The following RBFOX3 variants were observed in gnomAD, a reference collection of about 807,000 sequenced individuals.
The protein encoded by RBFOX3 is RNA binding fox-1 homolog 3, also known as RNA binding protein fox-1 homolog 3.
RBFOX3 carries 17 observed loss-of-function variants against 48.7 expected under a neutral mutation model. The ratio of observed to expected loss-of-function variants is 0.35; its 90% CI spans 0.24 to 0.52. The LOEUF is 0.52. RBFOX3 is among the 20% of genes least tolerant of loss of function. RBFOX3 has a pLI of 0.94. For synonymous variants in RBFOX3, 212 were observed against 209.5 expected (o/e 1.01, Z -0.10); for missense variants, 382 against 497.5 (o/e 0.77, Z 2.21).
chr17:79,619,001 C>T, the RBFOX3 span, among the ~76,000 whole-genome samples: 3 of 152,152 alleles, frequency 2.0e-5, no homozygotes, highest in African/African-American at 7.2e-5. Flanking sequence ...AAGAAAGACA[C>T]GTGCATTTTT....
At chr17:79,179,699 T>C (rs2051435970) in intron 4 of RBFOX3, among the ~76,000 whole-genome samples, 1 of 152,252 alleles carries the variant, frequency 6.6e-6, no homozygotes, top group Admixed American at 6.5e-5. Context: ...CTTGGGGTTT[T>C]TTCCTCCTAT....
At chr17:79,343,856 C>T (rs770643692) in intron 2 of RBFOX3, among the ~76,000 whole-genome samples, 4 of 152,144 alleles carry the variant, frequency 2.6e-5, no homozygotes, top group African/African-American at 9.7e-5. Flanking sequence ...AGAGGAATCA[C>T]GGGGCAGGAA....
intron 1 of RBFOX3, among the ~76,000 whole-genome samples, chr17:79,549,306 C>T (rs1405358164): frequency 6.6e-6 from 1 of 152,208 alleles, no homozygotes; most frequent in Non-Finnish European, 1.5e-5. Flanking sequence ...GAAGCTCCGC[C>T]CCCTGGCTGG....
At chr17:79,651,175 C>G in the RBFOX3 span, among the ~76,000 whole-genome samples, 1 of 152,192 alleles carries the variant, frequency 6.6e-6, no homozygotes, top group African/African-American at 2.4e-5. Flanking sequence ...GTCCACGTGC[C>G]CACTTCCCCT....
intron 2 of RBFOX3, among the ~76,000 whole-genome samples, chr17:79,353,222 G>A (rs948896958): frequency 3.3e-5 from 5 of 152,194 alleles, no homozygotes; most frequent in African/African-American, 9.7e-5. Flanking sequence ...ACACTGGTGC[G>A]CAAGTGTGTG....
rs531295199 is a variant in RBFOX3 at position 79,214,691 on chromosome 17, T to A, written c.-34+21075A>T. On this transcript the variant is annotated intron_variant, in intron 4 of 14. Coordinates refer to ENST00000693108, the MANE Select transcript of RBFOX3 (RefSeq NM_001350451.2). The surrounding 1 kb of genome is among the most constrained non-coding windows in gnomAD (Gnocchi z 4.7). ...CCAGGTTCCTGGGAGGGTGGCCATC[T>A]GGGAAGCCCAGGAGGGGAGGCTGGA... Among the ~76,000 whole-genome samples the A allele has an allele frequency of 6.6e-6, 1 of 151,674 alleles. No homozygotes were observed. The highest frequency in any genetic ancestry group is 2.4e-5 in the African/African-American group (1 of 41,358).
At chr17:79,331,890 T>C (rs1420827634) in intron 2 of RBFOX3, among the ~76,000 whole-genome samples, 5 of 152,208 alleles carry the variant, frequency 3.3e-5, no homozygotes, top group African/African-American at 1.2e-4. Context: ...GACCACCCAG[T>C]GTGAAGCCCT....
Position 79,103,466 on chromosome 17 carries a change from C to T in RBFOX3, c.415-212G>A, listed in dbSNP as rs2076819904. 6.6e-6 allele frequency among the ~76,000 whole-genome samples: 1 copy of T among 152,106 alleles called. No homozygotes were observed. Among genetic ancestry groups the T allele is most frequent in the African/African-American group, 2.4e-5 (1 of 41,422 alleles). On this transcript the variant is annotated intron_variant, in intron 7 of 14. Transcript: ENST00000693108. The surrounding 1 kb of genome is among the most constrained non-coding windows in gnomAD (Gnocchi z 6.1). ...AGGATGCCAGGAGGGGTATGGGCCC[C>T]AGGGGGGCAGCTGCTGACCCAGCCT...
chr17:79,478,425 C>G (rs1327357032), intron 2 of RBFOX3, among the ~76,000 whole-genome samples: 1 of 152,126 alleles, frequency 6.6e-6, no homozygotes, highest in Non-Finnish European at 1.5e-5. Context: ...GGCAGGCTCA[C>G]ACTCAGCCCC....
Position 79,103,332 on chromosome 17 carries a change from G to A in RBFOX3, c.415-78C>T, listed in dbSNP as rs1268981959. 6 of 956,610 alleles carry A rather than the reference G, an allele frequency of 6.3e-6. No individual in the cohort carries two copies. In the African/African-American group the frequency reaches 9.8e-5, roughly 16 times the overall value. 59.3% of individuals were successfully genotyped at this position (956,610 alleles called of 1,614,324 possible). Reference sequence around the variant, plus strand: ...GAAAGAGGAGGAAGACGAGGAAGAAGAGGAGTGGGAGGGGGGCAGGGGAGT... The same window carrying A: ...GAAAGAGGAGGAAGACGAGGAAGAAAAGGAGTGGGAGGGGGGCAGGGGAGT... On this transcript the variant is annotated intron_variant, in intron 7 of 14. Transcript: ENST00000693108. This position sits in a 1 kb window ranked among gnomAD's most constrained non-coding sequence, Gnocchi z 6.1.
chr17:79,112,977 C>T (rs923959152), intron 5 of RBFOX3, among the ~76,000 whole-genome samples: 27 of 147,690 alleles, frequency 1.8e-4, no homozygotes, highest in Non-Finnish European at 2.7e-4. Flanking sequence ...GGTGGCTGCA[C>T]ACGGGCCCTC....
At position 79,371,107 on chromosome 17, in the gene RBFOX3, G is replaced by A. The variant is rs1227725200; in HGVS notation, c.-174-63283C>T. On this transcript the variant is annotated intron_variant, in intron 2 of 14. Coordinates refer to ENST00000693108, the MANE Select transcript of RBFOX3 (RefSeq NM_001350451.2). ...ACGGTGTCCCTCCTCCTGTCTGGGTGTCCCTGGGCCACCTGCTCTGCACTG... is the reference window on the plus strand; with the variant it reads ...ACGGTGTCCCTCCTCCTGTCTGGGTATCCCTGGGCCACCTGCTCTGCACTG... Among the ~76,000 whole-genome samples the A allele has an allele frequency of 3.3e-5, 5 of 152,360 alleles. No individual in the cohort carries two copies. The East Asian group carries it at 9.6e-4, about 29-fold the overall frequency.
chr17:79,658,752 G>C, the RBFOX3 span, among the ~76,000 whole-genome samples: 1 of 152,094 alleles, frequency 6.6e-6, no homozygotes, highest in Non-Finnish European at 1.5e-5. Flanking sequence ...GGAGAATTTT[G>C]CTGAGCCCCT....
intron 2 of RBFOX3, among the ~76,000 whole-genome samples, chr17:79,425,272 G>T (rs2067153635): frequency 6.6e-6 from 1 of 152,136 alleles, no homozygotes; most frequent in Admixed American, 6.5e-5. Context: ...TCATCCCTGA[G>T]GCCTCAGCTC....
chr17:79,093,366 A>G (rs1490129244), intron 14 of RBFOX3, among the ~76,000 whole-genome samples: 7 of 152,160 alleles, frequency 4.6e-5, no homozygotes, highest in African/African-American at 1.7e-4. Context: ...TTAAAAATAC[A>G]AAGTGAAAAC....
intron 1 of RBFOX3, among the ~76,000 whole-genome samples, chr17:79,552,158 A>G (rs2091216828): frequency 6.6e-6 from 1 of 152,220 alleles, no homozygotes; most frequent in South Asian, 2.1e-4. Context: ...AAGACCCTAG[A>G]AGACCAAGAT....
Position 79,213,966 on chromosome 17 carries a change from T to C in RBFOX3, c.-34+21800A>G, listed in dbSNP as rs1438240892. ...GACATCGCGTGCTGCCTGTGACCTGTGGGCCACAGCCCCTAAACACTCAGC... is the reference window on the plus strand; with the variant it reads ...GACATCGCGTGCTGCCTGTGACCTGCGGGCCACAGCCCCTAAACACTCAGC... On this transcript the variant is annotated intron_variant, in intron 4 of 14. Transcript: ENST00000693108. Among the ~76,000 whole-genome samples the C allele has an allele frequency of 2.0e-5, 3 of 152,328 alleles. No homozygotes were observed. The East Asian group carries it at 5.8e-4, about 29-fold the overall frequency.
intron 4 of RBFOX3, among the ~76,000 whole-genome samples, chr17:79,122,539 C>T (rs774660308): frequency 1.4e-4 from 22 of 152,096 alleles, no homozygotes; most frequent in Non-Finnish European, 2.2e-4. Context: ...GGCTTAAATC[C>T]GAAAGACAGG....
At chr17:79,097,182 C>G (rs1022206457) in intron 11 of RBFOX3, 110 bp downstream of exon 11, 23 of 924,494 alleles carry the variant, frequency 2.5e-5, no homozygotes, top group South Asian at 1.9e-4. Flanking sequence ...CTCCCCCCCC[C>G]CAGGTCTGGA....
Sources: allele counts gnomAD v4.1 joint callset (sites outside exome capture counted in the v4.1 genomes callset), GRCh38; gene constraint gnomAD v4.1.1; non-coding constraint Gnocchi (gnomAD v3.1); transcripts MANE v1.5; gene names NCBI Gene and HGNC (gene_info 2026-07-23, HGNC 2026-07-21).